PRKAA2: variants seen among roughly 807,000 people sequenced by gnomAD.
PRKAA2 encodes protein kinase AMP-activated catalytic subunit alpha 2, also known as 5'-AMP-activated protein kinase catalytic subunit alpha-2.
PRKAA2 carries 40 observed loss-of-function variants against 56.3 expected under a neutral mutation model. That is an observed-to-expected ratio of 0.71 (90% CI 0.55 to 0.92). The LOEUF is 0.92. Among genes scored for constraint, PRKAA2 ranks in the 40% least tolerant of loss-of-function variants. PRKAA2 has a pLI of 0.00. For missense variants in PRKAA2, 542 were observed against 686.9 expected, an observed-to-expected ratio of 0.79 and a Z score of 2.36; for synonymous variants, 214 against 234.2, an observed-to-expected ratio of 0.91 and a Z score of 0.79.
At chr1:56,704,582 A>G (rs761591545) in intron 7 of PRKAA2, 107 bp downstream of exon 7, 2 of 1,280,834 alleles carry the variant, frequency 1.6e-6, no homozygotes, top group Non-Finnish European at 2.1e-6. Flanking sequence ...TTCTAGTAAT[A>G]TGCTATGCAC....
chr1:56,679,087 A>G (rs922815592), intron 2 of PRKAA2, among the ~76,000 whole-genome samples: 6 of 152,146 alleles, frequency 3.9e-5, no homozygotes, highest in Non-Finnish European at 8.8e-5. Flanking sequence ...CTAGGTTTCC[A>G]TGACACCTCA....
intron 2 of PRKAA2, among the ~76,000 whole-genome samples, chr1:56,688,608 G>A (rs1229174520): frequency 6.6e-6 from 1 of 152,146 alleles, no homozygotes; most frequent in Admixed American, 6.5e-5. Context: ...ATACAAAGGA[G>A]CTGTAGCAGG....
chr1:56,703,150 A>C (rs988510774), intron 6 of PRKAA2, among the ~76,000 whole-genome samples: 5 of 152,188 alleles, frequency 3.3e-5, no homozygotes, highest in Admixed American at 6.5e-5. Flanking sequence ...CAGAAGTGTG[A>C]GAAAATAAGG....
intron 1 of PRKAA2, among the ~76,000 whole-genome samples, chr1:56,656,847 A>G (rs1446913126): frequency 6.6e-6 from 1 of 152,056 alleles, no homozygotes; most frequent in Non-Finnish European, 1.5e-5. Context: ...GCTAAGTAAA[A>G]CTGATGTAAC....
chr1:56,649,190 C>G (rs936121078), intron 1 of PRKAA2, among the ~76,000 whole-genome samples: 3 of 152,048 alleles, frequency 2.0e-5, no homozygotes, highest in African/African-American at 7.3e-5. Flanking sequence ...TATTTTAGCC[C>G]TGATGTTTAA....
Position 56,693,826 on chromosome 1 carries a change from T to G in PRKAA2, c.537T>G (p.Tyr179Ter). The G allele has an allele frequency of 1.3e-6, 2 of 1,598,708 alleles. No individual in the cohort carries two copies. The highest frequency in any genetic ancestry group is 1.7e-6 in the Non-Finnish European group (2 of 1,169,398). ...GAACTAGTTGCGGATCTCCAAATTA[T>G]GCAGCACCTGAAGTCATCTCAGGCA... is the stretch of plus-strand genomic sequence containing the variant. ...FLRTSCGSPN[Y>*]AAPEVISGRL... Residue 179 changes from tyrosine (Y) to a stop codon, truncating the protein, a stop_gained, in exon 5 of 9, where the codon TAT (tyrosine) becomes TAG (stop). Coordinates refer to ENST00000371244, the MANE Select transcript of PRKAA2 (RefSeq NM_006252.4). LOFTEE classifies it high-confidence loss of function.
chr1:56,688,798 A>T (rs1334578909), intron 2 of PRKAA2, among the ~76,000 whole-genome samples: 1 of 152,222 alleles, frequency 6.6e-6, no homozygotes, highest in Non-Finnish European at 1.5e-5. Context: ...TTTGAAGAGA[A>T]TCTTTATTTA....
intron 1 of PRKAA2, among the ~76,000 whole-genome samples, chr1:56,645,819 C>G (rs1247113812): frequency 6.6e-6 from 1 of 152,144 alleles, no homozygotes; most frequent in Non-Finnish European, 1.5e-5. Context: ...ATCGGGAGAA[C>G]TGGACTCGTT....
At chr1:56,698,567 A>G (rs913886892) in intron 6 of PRKAA2, among the ~76,000 whole-genome samples, 1 of 152,212 alleles carries the variant, frequency 6.6e-6, no homozygotes, top group Non-Finnish European at 1.5e-5. Flanking sequence ...ATGGGGCTCA[A>G]CTTGGAACTT....
At chr1:56,680,459 T>C (rs1644145477) in intron 2 of PRKAA2, among the ~76,000 whole-genome samples, 1 of 152,164 alleles carries the variant, frequency 6.6e-6, no homozygotes, top group Non-Finnish European at 1.5e-5. Context: ...GCTGCACCCA[T>C]TAACTCGTCA....
chr1:56,695,876 G>A (rs35403608), intron 5 of PRKAA2, 59 bp from the exon 6 acceptor site: 30,846 of 1,416,388 alleles, frequency 0.022, 390 homozygotes, highest in Non-Finnish European at 0.025. Context: ...TAGAAGTAGG[G>A]TACATAGAGA....
intron 1 of PRKAA2, among the ~76,000 whole-genome samples, chr1:56,668,038 G>A (rs905195232): frequency 3.9e-5 from 6 of 152,084 alleles, no homozygotes; most frequent in African/African-American, 9.7e-5. Context: ...GATAAAATAC[G>A]ATGATAGACT....
intron 2 of PRKAA2, among the ~76,000 whole-genome samples, chr1:56,687,358 G>T (rs1294774345): frequency 6.6e-6 from 1 of 152,048 alleles, no homozygotes; most frequent in African/African-American, 2.4e-5. Context: ...ACATATATAT[G>T]AATTTGAATT....
intron 2 of PRKAA2, among the ~76,000 whole-genome samples, chr1:56,688,568 G>A (rs901034882): frequency 4.6e-5 from 7 of 152,166 alleles, no homozygotes; most frequent in African/African-American, 1.7e-4. Context: ...TCAGGTCATA[G>A]TATAGGATTC....
chr1:56,675,262 C>G (rs556755535), intron 2 of PRKAA2, among the ~76,000 whole-genome samples: 1 of 152,122 alleles, frequency 6.6e-6, no homozygotes, highest in Admixed American at 6.5e-5. Flanking sequence ...TCTTATTTAT[C>G]TTTAAGCTTG....
rs374122344 is a variant in PRKAA2, at chr1:56,691,499, A to G, written c.330+12A>G. 3.9e-5 allele frequency: 60 copies of G among 1,557,552 alleles called. No homozygotes were observed. The African/African-American group carries it at 7.9e-4, about 20-fold the overall frequency. On this transcript the variant is annotated intron_variant, in intron 3 of 8. Coordinates refer to ENST00000371244, the MANE Select transcript of PRKAA2 (RefSeq NM_006252.4). ...GTAAGCATGGACGGGTGAGTAACAT[A>G]CTATCTGGTACACTAAATCTCTAAA...
chr1:56,698,895 T>C (rs987395317), intron 6 of PRKAA2, among the ~76,000 whole-genome samples: 1 of 152,212 alleles, frequency 6.6e-6, no homozygotes, highest in African/African-American at 2.4e-5. Context: ...GATATTATCT[T>C]CATGGAAAAC....
rs1163507593 is a variant in PRKAA2, at chr1:56,711,105, GA to G, written c.*3394del. 3 of 152,062 alleles carry G rather than the reference GA, an allele frequency of 2.0e-5. No homozygotes were observed. Among genetic ancestry groups the G allele is most frequent in the Admixed American group, 6.6e-5 (1 of 15,260 alleles). 9.4% of individuals were successfully genotyped at this position (152,062 alleles called of 1,614,324 possible). ...ACTAGCTATCTATAAAGAGAATCCA[GA>G]AGGCTAAATTAATCAGAAATAATTA... On this transcript the variant is annotated 3_prime_UTR_variant, in exon 9 of 9. Coordinates refer to ENST00000371244, the MANE Select transcript of PRKAA2 (RefSeq NM_006252.4).
At chr1:56,651,837 G>T (rs992795330) in intron 1 of PRKAA2, among the ~76,000 whole-genome samples, 1 of 151,386 alleles carries the variant, frequency 6.6e-6, no homozygotes, top group Non-Finnish European at 1.5e-5. Context: ...TTACTGATAT[G>T]AAAGTAATCT....
Sources: allele counts gnomAD v4.1 joint callset (sites outside exome capture counted in the v4.1 genomes callset), GRCh38; gene constraint gnomAD v4.1.1; transcripts MANE v1.5; gene names NCBI Gene and HGNC (gene_info 2026-07-23, HGNC 2026-07-21).